RBMS3: variants seen among roughly 807,000 people sequenced by gnomAD.
RBMS3 encodes RNA-binding motif, single-stranded-interacting protein 3.
Under a neutral mutation model 66.8 loss-of-function variants are expected in RBMS3, and 27 were observed. That is an observed-to-expected ratio of 0.40 (90% confidence interval 0.30 to 0.56). The LOEUF (loss-of-function observed/expected upper bound fraction) is 0.56. Among genes scored for constraint, RBMS3 ranks in the 20% least tolerant of loss-of-function variants. The pLI is 0.40. For synonymous variants in RBMS3, 188 were observed against 183.0 expected, an observed-to-expected ratio of 1.03 and a Z score of -0.22; for missense variants, 513 against 549.5, an observed-to-expected ratio of 0.93 and a Z score of 0.66.
intron 12 of RBMS3, among the ~76,000 whole-genome samples, chr3:29,986,089 A>C (rs529380418): frequency 3.3e-5 from 5 of 152,194 alleles, no homozygotes; most frequent in South Asian, 4.2e-4. Flanking sequence ...AGAATTACTA[A>C]CTTTAGAATA....
intron 4 of RBMS3, among the ~76,000 whole-genome samples, chr3:29,727,093 C>A (rs1239321048): frequency 1.3e-5 from 2 of 152,092 alleles, no homozygotes; most frequent in Non-Finnish European, 2.9e-5. Flanking sequence ...TTCAACAAAC[C>A]TGACAAAAAT....
At chr3:29,290,438 A>G (rs946359824) in intron 1 of RBMS3, among the ~76,000 whole-genome samples, 2 of 151,828 alleles carry the variant, frequency 1.3e-5, no homozygotes, top group Non-Finnish European at 2.9e-5. Flanking sequence ...TGAGAAAACA[A>G]CATTTCATTT....
At chr3:29,297,532 A>G (rs577667914) in intron 1 of RBMS3, among the ~76,000 whole-genome samples, 1 of 152,004 alleles carries the variant, frequency 6.6e-6, no homozygotes, top group South Asian at 2.1e-4. Flanking sequence ...CTGGATTGAA[A>G]TCATATAGAG....
chr3:29,606,860 AT>A lies in RBMS3; in HGVS notation c.399+19662del, dbSNP rs534272340. 2.7e-3 allele frequency among the ~76,000 whole-genome samples: 411 copies of A among 151,996 alleles called. 4 individuals carry two copies. The highest frequency in any genetic ancestry group is 9.6e-3 in the African/African-American group (400 of 41,494). On this transcript the variant is annotated intron_variant, in intron 4 of 14. Transcript: ENST00000383767. The stretch of plus-strand genomic sequence containing the variant: ...AAAAAATTCTATCCATCAATGTGCT[AT>A]TTTTTTCTTTGAATTGAAAATTTTT...
intron 7 of RBMS3, among the ~76,000 whole-genome samples, chr3:29,874,191 G>T (rs1368881187): frequency 2.0e-5 from 3 of 152,124 alleles, no homozygotes; most frequent in Non-Finnish European, 4.4e-5. Flanking sequence ...ATTTCTATTA[G>T]CTTTGAAGGC....
chr3:29,905,739 A>G (rs933048758), intron 10 of RBMS3, among the ~76,000 whole-genome samples: 10 of 152,082 alleles, frequency 6.6e-5, no homozygotes, highest in African/African-American at 2.4e-4. Flanking sequence ...ACTAAAACTA[A>G]TGATAGCTGA....
At chr3:29,980,522 G>A (rs1344078921) in intron 12 of RBMS3, among the ~76,000 whole-genome samples, 3 of 152,172 alleles carry the variant, frequency 2.0e-5, no homozygotes, top group East Asian at 3.9e-4. Context: ...CTATGTCCTG[G>A]ATGATACTGC....
At chr3:29,652,207 G>T (rs575825255) in intron 4 of RBMS3, among the ~76,000 whole-genome samples, 6 of 152,174 alleles carry the variant, frequency 3.9e-5, no homozygotes, top group South Asian at 4.1e-4. Context: ...AGATTAATGT[G>T]GTTATGATTT....
At chr3:29,493,988 C>T (rs2148923529) in intron 3 of RBMS3, among the ~76,000 whole-genome samples, 1 of 152,288 alleles carries the variant, frequency 6.6e-6, no homozygotes, top group East Asian at 1.9e-4. Context: ...TCCTTTGCAA[C>T]TTTATCTCCA....
chr3:29,470,644 C>T (rs1308477040), intron 2 of RBMS3, among the ~76,000 whole-genome samples: 2 of 151,828 alleles, frequency 1.3e-5, no homozygotes, highest in Non-Finnish European at 2.9e-5. Flanking sequence ...ATAAAATAAC[C>T]AGTAGACATG....
At chr3:29,287,027 A>C (rs1318047272) in intron 1 of RBMS3, among the ~76,000 whole-genome samples, 1 of 152,120 alleles carries the variant, frequency 6.6e-6, no homozygotes. Flanking sequence ...TTTATGCTAT[A>C]GCTATTGCAC....
chr3:29,547,365 C>G (rs2045997431), intron 3 of RBMS3, among the ~76,000 whole-genome samples: 1 of 152,100 alleles, frequency 6.6e-6, no homozygotes, highest in Non-Finnish European at 1.5e-5. Flanking sequence ...TCACTATTCA[C>G]CAATACATTG....
At chr3:29,941,507 C>T (rs2061393031) in intron 11 of RBMS3, among the ~76,000 whole-genome samples, 1 of 151,554 alleles carries the variant, frequency 6.6e-6, no homozygotes, top group Admixed American at 6.6e-5. Flanking sequence ...GAAAATATAT[C>T]TAAAAAGGTA....
intron 7 of RBMS3, among the ~76,000 whole-genome samples, chr3:29,875,202 A>G (rs2059584285): frequency 6.6e-6 from 1 of 152,052 alleles, no homozygotes; most frequent in South Asian, 2.1e-4. Flanking sequence ...AGCCTGCCAC[A>G]AGATTCAGAA....
intron 2 of RBMS3, among the ~76,000 whole-genome samples, chr3:29,464,629 T>G (rs1438607068): frequency 6.6e-6 from 1 of 152,188 alleles, no homozygotes; most frequent in Non-Finnish European, 1.5e-5. Context: ...AAAGAAATAT[T>G]TGGCAGAGGA....
At chr3:29,289,051 A>G (rs962343842) in intron 1 of RBMS3, among the ~76,000 whole-genome samples, 4 of 151,988 alleles carry the variant, frequency 2.6e-5, no homozygotes, top group African/African-American at 9.7e-5. Flanking sequence ...AACTTAGTCC[A>G]TAAGTTCCTA....
At chr3:29,563,914 G>A (rs1284528359) in intron 3 of RBMS3, among the ~76,000 whole-genome samples, 1 of 151,744 alleles carries the variant, frequency 6.6e-6, no homozygotes, top group Non-Finnish European at 1.5e-5. Context: ...CTCCTCAGGA[G>A]GTTGAGGTGA....
intron 6 of RBMS3, among the ~76,000 whole-genome samples, chr3:29,833,178 G>T (rs147214052): frequency 3.2e-4 from 49 of 152,282 alleles, no homozygotes; most frequent in Admixed American, 1.4e-3. Flanking sequence ...TGGCTGGGTT[G>T]ATTGGTGAAG....
intron 4 of RBMS3, among the ~76,000 whole-genome samples, chr3:29,695,476 T>A (rs1052815461): frequency 6.6e-6 from 1 of 152,296 alleles, no homozygotes; most frequent in Admixed American, 6.5e-5. Context: ...TTAGTTAATA[T>A]ATAGATCCTA....
Sources: allele counts gnomAD v4.1 joint callset (sites outside exome capture counted in the v4.1 genomes callset), GRCh38; gene constraint gnomAD v4.1.1; transcripts MANE v1.5; gene names NCBI Gene and HGNC (gene_info 2026-07-23, HGNC 2026-07-21).